Variants in TRMT11 observed in about 807,000 individuals in gnomAD.
The protein encoded by TRMT11 is tRNA (guanine(10)-N(2))-methyltransferase TRMT11.
A neutral mutation model predicts 62.8 loss-of-function variants in TRMT11; 53 were observed. The observed-to-expected ratio is 0.84, with a 90% confidence interval of 0.68 to 1.06. The LOEUF (loss-of-function observed/expected upper bound fraction) is 1.06, where lower values mean the gene tolerates loss of function less well. Ranked by LOEUF, TRMT11 falls within the 50% of genes least tolerant of loss-of-function variation. The pLI is 0.00. For synonymous variants in TRMT11, 188 were observed against 190.3 expected, an observed-to-expected ratio of 0.99 and a Z score of 0.10; for missense variants, 556 against 553.4, an observed-to-expected ratio of 1.00 and a Z score of -0.05.
chr6:126,017,319 T>C (rs562485705), intron 11 of TRMT11, among the ~76,000 whole-genome samples: 8 of 152,326 alleles, frequency 5.3e-5, no homozygotes, highest in African/African-American at 1.4e-4. Context: ...TAACCCAGGA[T>C]TGATTGAAAA....
In TRMT11 at chr6:126,189,535, G is replaced by A. The variant is rs1016048274; in HGVS notation, n.144-9264G>A. 5.3e-5 allele frequency among the ~76,000 whole-genome samples: 8 copies of A among 152,066 alleles called. No homozygotes were observed. In the East Asian group the frequency reaches 1.5e-3, roughly 29 times the overall value. ...TCCCAATAAAATTTTATAGAAAATG[G>A]GAAAATTGTTACTTAATTCCTTCCC... On this transcript the variant is annotated intron_variant and non_coding_transcript_variant, in intron 1 of 3. Coordinates refer to the TRMT11 transcript ENST00000444229.
intron 17 of TRMT11, among the ~76,000 whole-genome samples, chr6:126,062,210 A>G (rs1302921452): frequency 6.6e-6 from 1 of 152,162 alleles, no homozygotes; most frequent in Non-Finnish European, 1.5e-5. Flanking sequence ...TTATTTGCCT[A>G]AGGCAACCAG....
At chr6:126,038,331 CTT>C (rs1775550389) in intron 12 of TRMT11, among the ~76,000 whole-genome samples, 2 of 149,564 alleles carry the variant, frequency 1.3e-5, no homozygotes, top group South Asian at 4.2e-4. Flanking sequence ...TTGTTTAGTA[CTT>C]TTTATCCATA....
intron 17 of TRMT11, among the ~76,000 whole-genome samples, chr6:126,103,419 A>G (rs1245850337): frequency 1.3e-5 from 2 of 152,258 alleles, no homozygotes; most frequent in Non-Finnish European, 2.9e-5. Flanking sequence ...TTCCACAGAC[A>G]TAGTGGCTTA....
the TRMT11 span, among the ~76,000 whole-genome samples, chr6:126,239,995 CA>C: frequency 6.6e-6 from 1 of 152,162 alleles, no homozygotes; most frequent in Non-Finnish European, 1.5e-5. Context: ...TCCAGCTGAT[CA>C]AATCAGCTAC....
At chr6:126,234,267 C>G in the TRMT11 span, among the ~76,000 whole-genome samples, 1 of 152,072 alleles carries the variant, frequency 6.6e-6, no homozygotes, top group Non-Finnish European at 1.5e-5. Flanking sequence ...GAAACAATTT[C>G]AAAGCAGAAT....
In TRMT11 at chr6:126,045,312, T is replaced by C. The variant is rs1190255694; in HGVS notation, c.*1369+4467T>C. ...CAATGAATATGTCAGGCGCTTGCAA[T>C]AGAGCAAAATCTCAGACCCTTCATG... On this transcript the variant is annotated intron_variant and NMD_transcript_variant, in intron 16 of 22. Transcript: ENST00000648977. Among the ~76,000 whole-genome samples, 4 of 152,130 alleles carry C rather than the reference T, an allele frequency of 2.6e-5. No homozygotes were observed. The South Asian group carries it at 8.3e-4, about 32-fold the overall frequency.
intron 16 of TRMT11, among the ~76,000 whole-genome samples, chr6:126,048,832 C>G (rs1435251777): frequency 6.6e-6 from 1 of 152,158 alleles, no homozygotes; most frequent in Non-Finnish European, 1.5e-5. Flanking sequence ...TTCCTCCACC[C>G]CTCTTTAGAG....
chr6:126,140,865 A>G (rs115432477), intron 21 of TRMT11, among the ~76,000 whole-genome samples: 2,012 of 152,196 alleles, frequency 0.013, 38 homozygotes, highest in African/African-American at 0.046. Context: ...TCAAGTGACA[A>G]TGTATTTTCA....
intron 17 of TRMT11, among the ~76,000 whole-genome samples, chr6:126,093,632 T>TA (rs1777307371): frequency 6.8e-5 from 6 of 87,854 alleles, no homozygotes; most frequent in South Asian, 3.1e-4. Context: ...TATATATATA[T>TA]TTTCCCCCAG....
the TRMT11 span, among the ~76,000 whole-genome samples, chr6:126,215,320 ATC>A: frequency 6.6e-6 from 1 of 151,868 alleles, no homozygotes; most frequent in African/African-American, 2.4e-5. Context: ...ATTGGGGTAT[ATC>A]TCTCTTTATC....
the TRMT11 span, among the ~76,000 whole-genome samples, chr6:126,245,862 C>A: frequency 1.3e-5 from 2 of 151,996 alleles, no homozygotes; most frequent in Non-Finnish European, 2.9e-5. Flanking sequence ...CTTTGGGAGG[C>A]CAAGGTGGGA....
At chr6:126,172,027 G>A (rs183798373) in intron 21 of TRMT11, among the ~76,000 whole-genome samples, 6 of 152,124 alleles carry the variant, frequency 3.9e-5, no homozygotes, top group Admixed American at 6.5e-5. Flanking sequence ...CCTTTAAAGG[G>A]CTTTTTAAAA....
the TRMT11 span, among the ~76,000 whole-genome samples, chr6:126,209,504 A>T: frequency 1.3e-5 from 2 of 151,960 alleles, no homozygotes; most frequent in Admixed American, 6.6e-5. Context: ...GTGGATCACA[A>T]GGTCAGGAGA....
chr6:126,095,832 G>C (rs1361873677), intron 17 of TRMT11, among the ~76,000 whole-genome samples: 1 of 152,220 alleles, frequency 6.6e-6, no homozygotes, highest in Non-Finnish European at 1.5e-5. Context: ...CACAGTATAA[G>C]AGAGAAGGAG....
At chr6:126,100,211 T>C (rs1777383280) in intron 17 of TRMT11, among the ~76,000 whole-genome samples, 1 of 152,138 alleles carries the variant, frequency 6.6e-6, no homozygotes, top group Non-Finnish European at 1.5e-5. Flanking sequence ...TGGTTTCAGT[T>C]ATATTTGATG....
chr6:125,989,308 A>G (rs1401180509), intron 1 of TRMT11, among the ~76,000 whole-genome samples: 1 of 151,578 alleles, frequency 6.6e-6, no homozygotes, highest in Non-Finnish European at 1.5e-5. Context: ...TTGTATTTTC[A>G]GTAGAGACGG....
At chr6:126,168,399 T>C (rs1481018690) in intron 21 of TRMT11, among the ~76,000 whole-genome samples, 12 of 152,194 alleles carry the variant, frequency 7.9e-5, no homozygotes. Context: ...ATGCTCTCAA[T>C]ATATGGAGCT....
At chr6:126,158,067 G>A (rs1397308395) in intron 21 of TRMT11, among the ~76,000 whole-genome samples, 2 of 151,918 alleles carry the variant, frequency 1.3e-5, no homozygotes, top group Non-Finnish European at 2.9e-5. Context: ...CTATATAACA[G>A]AATAATAGTA....
Sources: gnomAD v4.1 joint callset for allele counts (sites outside exome capture counted in the v4.1 genomes callset) on GRCh38, gnomAD v4.1.1 for gene constraint, MANE v1.5 for transcripts, NCBI Gene and HGNC (gene_info 2026-07-23, HGNC 2026-07-21) for gene names.